The following ARHGAP26 variants were observed in gnomAD, a reference collection of about 807,000 sequenced individuals.
The protein encoded by ARHGAP26 is Rho GTPase activating protein 26, also known as rho GTPase-activating protein 26.
ARHGAP26 carries 38 observed loss-of-function variants against 104.8 expected under a neutral mutation model. The observed-to-expected ratio is 0.36, with a 90% confidence interval of 0.28 to 0.48. The LOEUF is 0.48. Among genes scored for constraint, ARHGAP26 ranks in the 20% least tolerant of loss-of-function variants. The pLI is 0.99. For synonymous variants in ARHGAP26, 341 were observed against 340.0 expected (o/e 1.00, Z -0.03); for missense variants, 704 against 947.9 (o/e 0.74, Z 3.38).
chr5:143,192,479 AAG>A, intron 20 of ARHGAP26: 1 of 152,392 alleles, frequency 6.6e-6, no homozygotes, highest in Middle Eastern at 3.4e-3. Context: ...CTTGTGAGAA[AAG>A]AGTGTTTTTC....
chr5:142,909,892 G>A (rs1761593428), intron 9 of ARHGAP26, among the ~76,000 whole-genome samples: 1 of 152,108 alleles, frequency 6.6e-6, no homozygotes, highest in Admixed American at 6.6e-5. Flanking sequence ...GAACTCTTTT[G>A]TATTTTCTCT....
chr5:143,048,931 A>AC, intron 14 of ARHGAP26, among the ~76,000 whole-genome samples: 1 of 151,612 alleles, frequency 6.6e-6, no homozygotes, highest in Non-Finnish European at 1.5e-5. Context: ...AAAAAAAAAA[A>AC]AAAAACCTTA....
chr5:143,167,929 A>C (rs1359488865), intron 20 of ARHGAP26, among the ~76,000 whole-genome samples: 1 of 152,230 alleles, frequency 6.6e-6, no homozygotes, highest in East Asian at 1.9e-4. Context: ...GATGAGTTAC[A>C]GGGGATCGTG....
chr5:143,096,384 A>G (rs2150572241), intron 17 of ARHGAP26, among the ~76,000 whole-genome samples: 1 of 152,358 alleles, frequency 6.6e-6, no homozygotes. Flanking sequence ...AACAAATATT[A>G]CTGTTTTCCT....
intron 10 of ARHGAP26, among the ~76,000 whole-genome samples, chr5:142,920,569 ACTT>A (rs1190945095): frequency 6.6e-6 from 1 of 152,216 alleles, no homozygotes; most frequent in Non-Finnish European, 1.5e-5. Context: ...GGAAATGATT[ACTT>A]TTTTCTGGGG....
intron 1 of ARHGAP26, among the ~76,000 whole-genome samples, chr5:142,858,281 T>C (rs1752739610): frequency 6.6e-6 from 1 of 152,248 alleles, no homozygotes; most frequent in South Asian, 2.1e-4. Context: ...TGCAAATTCT[T>C]CTTTTATCAT....
At position 143,156,864 on chromosome 5, in the gene ARHGAP26, C is replaced by T. The variant is rs142139828; in HGVS notation, c.1988+9483C>T. ...ATTAGCTCACCAGGGCTGCACTTTC[C>T]ATCTCCCCCCAAAAGCCCAGTCAGC... On this transcript the variant is annotated intron_variant, in intron 20 of 22. Coordinates refer to ENST00000645722, the MANE Select transcript of ARHGAP26 (RefSeq NM_001135608.3). Among the ~76,000 whole-genome samples, 362 of 152,362 alleles carry T rather than the reference C, an allele frequency of 2.4e-3. 3 individuals carry two copies. The highest frequency in any genetic ancestry group is 7.9e-3 in the African/African-American group (330 of 41,586).
chr5:142,873,393 T>G lies in ARHGAP26; in HGVS notation c.155-7T>G. 1 of 1,590,344 alleles carries G rather than the reference T, an allele frequency of 6.3e-7. No homozygotes were observed. Among genetic ancestry groups the G allele is most frequent in the East Asian group, 2.2e-5 (1 of 44,466 alleles). On this transcript the variant is annotated splice_polypyrimidine_tract_variant and splice_region_variant and intron_variant, in intron 1 of 22. Coordinates refer to ENST00000645722, the MANE Select transcript of ARHGAP26 (RefSeq NM_001135608.3). ...ATTCCTGATTTTTCCTGTCTTTTTC[T>G]TGCTAGATTTGTCTTCAGCGAAGCG... is the stretch of plus-strand genomic sequence containing the variant.
intron 10 of ARHGAP26, among the ~76,000 whole-genome samples, chr5:142,929,293 A>G (rs552814892): frequency 2.0e-5 from 3 of 152,204 alleles, no homozygotes; most frequent in Admixed American, 1.3e-4. Flanking sequence ...ATTTTTTGCT[A>G]TGAAGAACCA....
intron 20 of ARHGAP26, among the ~76,000 whole-genome samples, chr5:143,160,844 A>G (rs1411098439): frequency 6.6e-6 from 1 of 152,096 alleles, no homozygotes; most frequent in Non-Finnish European, 1.5e-5. Flanking sequence ...CAATGGCCAA[A>G]TGGCTCCCTC....
At chr5:143,126,488 T>C (rs1057336056) in intron 18 of ARHGAP26, among the ~76,000 whole-genome samples, 1 of 152,206 alleles carries the variant, frequency 6.6e-6, no homozygotes, top group Admixed American at 6.5e-5. Flanking sequence ...CTGAACCAAA[T>C]AGTACTTTGA....
rs554405054 is a variant in ARHGAP26, at chr5:143,206,764, GA to G, written c.1989-426del. On this transcript the variant is annotated intron_variant, in intron 20 of 22. Transcript: ENST00000645722. The stretch of plus-strand genomic sequence containing the variant: ...ACCGAATGGCCTTTGTGGCCCAGAA[GA>G]AAAAAAACATGGTCATTTCTGCTGA... Among the ~76,000 whole-genome samples, 525 of 151,916 alleles carry G rather than the reference GA, an allele frequency of 3.5e-3. 2 individuals carry two copies. The highest frequency in any genetic ancestry group is 0.012 in the African/African-American group (499 of 41,428).
chr5:142,826,947 T>C (rs956806765), intron 1 of ARHGAP26, among the ~76,000 whole-genome samples: 17 of 152,164 alleles, frequency 1.1e-4, no homozygotes, highest in East Asian at 9.6e-4. Flanking sequence ...ATGTGCTTCA[T>C]TGATATAATT....
chr5:142,887,337 A>T (rs1302864677), intron 5 of ARHGAP26, among the ~76,000 whole-genome samples: 1 of 152,208 alleles, frequency 6.6e-6, no homozygotes, highest in African/African-American at 2.4e-5. Flanking sequence ...CAAATTACTT[A>T]GATTCTCTAA....
At chr5:143,204,174 G>T (rs1370473973) in intron 20 of ARHGAP26, among the ~76,000 whole-genome samples, 1 of 152,012 alleles carries the variant, frequency 6.6e-6, no homozygotes. Context: ...TATACCAAAT[G>T]TTACTGCTAT....
intron 1 of ARHGAP26, among the ~76,000 whole-genome samples, chr5:142,845,442 A>G (rs563684934): frequency 6.6e-6 from 1 of 152,260 alleles, no homozygotes; most frequent in African/African-American, 2.4e-5. Context: ...CTTCTGTGCC[A>G]TGCAGTTCCC....
intron 1 of ARHGAP26, among the ~76,000 whole-genome samples, chr5:142,776,736 C>T (rs1253408414): frequency 6.6e-6 from 1 of 152,058 alleles, no homozygotes; most frequent in Non-Finnish European, 1.5e-5. Context: ...TATGTTTTCA[C>T]TTCTAATTTC....
At chr5:142,794,688 C>T (rs994647087) in intron 1 of ARHGAP26, among the ~76,000 whole-genome samples, 2 of 152,000 alleles carry the variant, frequency 1.3e-5, no homozygotes, top group African/African-American at 4.8e-5. Context: ...GGATGTCAGG[C>T]AGATAGGAGG....
At chr5:142,983,247 A>C (rs1313781607) in intron 11 of ARHGAP26, among the ~76,000 whole-genome samples, 1 of 152,050 alleles carries the variant, frequency 6.6e-6, no homozygotes, top group Non-Finnish European at 1.5e-5. Flanking sequence ...TCACTCTGTC[A>C]CCTGACTGGA....
Sources: gnomAD v4.1 joint callset for allele counts (sites outside exome capture counted in the v4.1 genomes callset) on GRCh38, gnomAD v4.1.1 for gene constraint, MANE v1.5 for transcripts, NCBI Gene and HGNC (gene_info 2026-07-23, HGNC 2026-07-21) for gene names.